The following GRK3 variants were observed in gnomAD, a reference collection of about 807,000 sequenced individuals.
GRK3 encodes adrenergic, beta, receptor kinase 2.
A neutral mutation model predicts 95.7 loss-of-function variants in GRK3; 54 were observed. The ratio of observed to expected loss-of-function variants is 0.56; its 90% confidence interval spans 0.45 to 0.71. The LOEUF is 0.71. Among genes scored for constraint, GRK3 ranks in the 30% least tolerant of loss-of-function variants. GRK3 has a pLI of 0.00. For missense variants in GRK3, 649 were observed against 851.2 expected (o/e 0.76, Z 2.96); for synonymous variants, 281 against 290.8 (o/e 0.97, Z 0.34).
intron 18 of GRK3, 23 bp downstream of exon 18, chr22:25,714,593 A>C: frequency 6.4e-7 from 1 of 1,558,154 alleles, no homozygotes; most frequent in Non-Finnish European, 8.7e-7. Context: ...ACGTGTCTCA[A>C]AACATTTCTA....
In GRK3 at chr22:25,628,335, A is replaced by T. The variant is rs373328063; in HGVS notation, c.191-16257A>T. The stretch of plus-strand genomic sequence containing the variant: ...AAAGTGTCCATATGACGTTTAACTT[A>T]CAAGTTTTTCTCTGAGGAAGGTATC... On this transcript the variant is annotated intron_variant, in intron 2 of 20. Coordinates refer to ENST00000324198, the MANE Select transcript of GRK3 (RefSeq NM_005160.4). 2.9e-4 allele frequency among the ~76,000 whole-genome samples: 44 copies of T among 152,370 alleles called. 1 individual carries two copies. The East Asian group carries it at 7.3e-3, about 25-fold the overall frequency.
At chr22:25,567,883 A>C (rs1166836204) in intron 1 of GRK3, among the ~76,000 whole-genome samples, 1 of 152,254 alleles carries the variant, frequency 6.6e-6, no homozygotes, top group East Asian at 1.9e-4. Flanking sequence ...TGCCTATTAC[A>C]GGAGAGTCTC....
chr22:25,602,499 C>T (rs2084416052), intron 1 of GRK3, among the ~76,000 whole-genome samples: 1 of 152,110 alleles, frequency 6.6e-6, no homozygotes, highest in Non-Finnish European at 1.5e-5. Context: ...AAAACGCATG[C>T]CCATAAAAAG....
intron 3 of GRK3, chr22:25,648,729 A>G: frequency 1.8e-6 from 2 of 1,084,152 alleles, no homozygotes; most frequent in Non-Finnish European, 1.4e-6. Flanking sequence ...AATGGTTGAT[A>G]TGCCTGCTCA....
At chr22:25,616,043 G>T (rs1205180799) in intron 2 of GRK3, among the ~76,000 whole-genome samples, 1 of 150,494 alleles carries the variant, frequency 6.6e-6, no homozygotes, top group Non-Finnish European at 1.5e-5. Flanking sequence ...GTGGAGAGTG[G>T]CCAGGCCCTT....
chr22:25,674,920 C>T (rs2085015113), intron 8 of GRK3, among the ~76,000 whole-genome samples: 1 of 151,960 alleles, frequency 6.6e-6, no homozygotes, highest in African/African-American at 2.4e-5. Context: ...GCACTCTAGC[C>T]TGGGCAACAG....
chr22:25,626,755 C>T (rs939741764), intron 2 of GRK3, among the ~76,000 whole-genome samples: 1 of 152,170 alleles, frequency 6.6e-6, no homozygotes, highest in Non-Finnish European at 1.5e-5. Context: ...ACAAGCTGGT[C>T]GGGGCGGCAT....
intron 3 of GRK3, among the ~76,000 whole-genome samples, chr22:25,654,466 G>T (rs1429000489): frequency 6.6e-6 from 1 of 152,158 alleles, no homozygotes; most frequent in African/African-American, 2.4e-5. Flanking sequence ...TTTTTAGGAA[G>T]AAGGGTCAAA....
intron 2 of GRK3, among the ~76,000 whole-genome samples, chr22:25,614,384 T>A (rs1239143046): frequency 6.6e-6 from 1 of 152,220 alleles, no homozygotes; most frequent in African/African-American, 2.4e-5. Context: ...TCCACCCACC[T>A]CAGCCTCCCA....
At chr22:25,643,250 G>T (rs923497718) in intron 2 of GRK3, among the ~76,000 whole-genome samples, 1 of 152,192 alleles carries the variant, frequency 6.6e-6, no homozygotes. Flanking sequence ...TCCATGGGAG[G>T]AGCGTGGCTG....
chr22:25,565,339 G>A (rs963632271), intron 1 of GRK3, among the ~76,000 whole-genome samples, 186 bp downstream of exon 1: 4 of 152,164 alleles, frequency 2.6e-5, no homozygotes, highest in African/African-American at 2.4e-5. Flanking sequence ...GAGGGCCGGT[G>A]GGGGGCACCC....
In GRK3 at chr22:25,720,897, T is replaced by C. The variant is rs73398003; in HGVS notation, c.1792-387T>C. 4.1e-3 allele frequency among the ~76,000 whole-genome samples: 626 copies of C among 152,332 alleles called. 2 individuals are homozygous for C. Among genetic ancestry groups the C allele is most frequent in the African/African-American group, 0.015 (603 of 41,580 alleles). ...ATTTACTGAGTTGCTGCCTTAAAAC[T>C]GAACCACACACCTTTGGCTCACATA... On this transcript the variant is annotated intron_variant, in intron 19 of 20. Coordinates refer to ENST00000324198, the MANE Select transcript of GRK3 (RefSeq NM_005160.4).
At chr22:25,600,955 A>G (rs1365156968) in intron 1 of GRK3, among the ~76,000 whole-genome samples, 1 of 152,232 alleles carries the variant, frequency 6.6e-6, no homozygotes, top group African/African-American at 2.4e-5. Flanking sequence ...GGGTTATTTC[A>G]CCATGGAAGC....
chr22:25,572,642 A>G (rs1931746181), intron 1 of GRK3, among the ~76,000 whole-genome samples: 2 of 152,012 alleles, frequency 1.3e-5, no homozygotes, highest in African/African-American at 2.4e-5. Flanking sequence ...CTATCCATCT[A>G]TCCATCCCGT....
At chr22:25,709,596 T>TTGTG (rs3830752) in intron 15 of GRK3, among the ~76,000 whole-genome samples, 5 of 150,596 alleles carry the variant, frequency 3.3e-5, no homozygotes, top group African/African-American at 9.7e-5. Flanking sequence ...TATAGAATTA[T>TTGTG]TGTGTGTGTG....
chr22:25,610,011 C>A (rs1158699117), intron 2 of GRK3, among the ~76,000 whole-genome samples: 1 of 151,534 alleles, frequency 6.6e-6, no homozygotes, highest in African/African-American at 2.4e-5. Flanking sequence ...CCATGCCTGG[C>A]TAATTTTTGT....
chr22:25,576,855 G>T (rs1200561065), intron 1 of GRK3, among the ~76,000 whole-genome samples: 1 of 152,196 alleles, frequency 6.6e-6, no homozygotes, highest in African/African-American at 2.4e-5. Context: ...ATTATCCACT[G>T]CAGGGGTCTG....
intron 6 of GRK3, among the ~76,000 whole-genome samples, chr22:25,669,537 GA>G (rs1157460244): frequency 6.6e-6 from 1 of 152,168 alleles, no homozygotes; most frequent in African/African-American, 2.4e-5. Context: ...AAGATCCTTT[GA>G]AGTCATTTGC....
At chr22:25,668,350 A>G in intron 6 of GRK3, among the ~76,000 whole-genome samples, 1 of 152,198 alleles carries the variant, frequency 6.6e-6, no homozygotes, top group Non-Finnish European at 1.5e-5. Context: ...CTGAAATTGG[A>G]CCCTCTAAAA....
Sources: gnomAD v4.1 joint callset for allele counts (sites outside exome capture counted in the v4.1 genomes callset) on GRCh38, gnomAD v4.1.1 for gene constraint, MANE v1.5 for transcripts, NCBI Gene and HGNC (gene_info 2026-07-23, HGNC 2026-07-21) for gene names.